The following TBC1D16 variants were observed in gnomAD, a reference collection of about 807,000 sequenced individuals.
TBC1D16 encodes CTD-2529O21.1.
In TBC1D16, 58 loss-of-function variants were observed where a neutral mutation model predicts 74.7. That is an observed-to-expected ratio of 0.78 (90% CI 0.63 to 0.97). TBC1D16 has a LOEUF of 0.97. TBC1D16 is among the 50% of genes least tolerant of loss of function. The probability of loss-of-function intolerance (pLI) is 0.00; values close to 1 mark genes in which losing one functional copy is unlikely to be tolerated. For missense variants in TBC1D16, 1,014 were observed against 1,079.5 expected (o/e 0.94, Z 0.85); for synonymous variants, 493 against 474.7 (o/e 1.04, Z -0.50).
chr17:79,944,054 G>GT lies in TBC1D16; in HGVS notation c.1908+853dup, dbSNP rs2143481517. On this transcript the variant is annotated intron_variant, in intron 10 of 11. Coordinates refer to ENST00000310924, the MANE Select transcript of TBC1D16 (RefSeq NM_019020.4). This position sits in a 1 kb window ranked among gnomAD's most constrained non-coding sequence, Gnocchi z 7.7. ...GCCGATGACCGCATGCAAAGGCGGC[G>GT]TGTGGTACCGGCACTCGGTGGCTTC... 1 of 1,535,984 alleles carries GT rather than the reference G, an allele frequency of 6.5e-7. No individual in the cohort carries two copies. The highest frequency in any genetic ancestry group is 2.0e-5 in the Admixed American group (1 of 51,002).
chr17:79,949,154 G>C (rs1189470697), intron 7 of TBC1D16, 148 bp from the exon 8 acceptor site: 1 of 893,714 alleles, frequency 1.1e-6, no homozygotes, highest in East Asian at 2.6e-5. Context: ...GACCCTCCCC[G>C]GATGCGGCGG....
rs2031616860 is a variant in TBC1D16, at chr17:79,936,763, G to A, written c.*4096C>T. The stretch of plus-strand genomic sequence containing the variant: ...CCGTGCAGCCTGGCTTAGAAACAAG[G>A]GACGAAGTGGATCCTGAGGCTCATT... On this transcript the variant is annotated 3_prime_UTR_variant, in exon 12 of 12. Transcript: ENST00000310924. The A allele has an allele frequency of 6.6e-6, 1 of 152,262 alleles. No individual in the cohort carries two copies. Among genetic ancestry groups the A allele is most frequent in the Non-Finnish European group, 1.5e-5 (1 of 68,090 alleles). The allele number at this position is 152,262 out of a possible 1,614,324, so 9.4% of individuals were successfully genotyped here.
intron 8 of TBC1D16, among the ~76,000 whole-genome samples, chr17:79,948,660 G>A (rs1323603227): frequency 5.3e-5 from 8 of 152,138 alleles, no homozygotes; most frequent in Non-Finnish European, 1.0e-4. Flanking sequence ...TCTGTGGGCA[G>A]GGACCTGGGT....
chr17:80,032,605 G>A (rs987519778), intron 1 of TBC1D16, among the ~76,000 whole-genome samples: 1 of 152,132 alleles, frequency 6.6e-6, no homozygotes, highest in Non-Finnish European at 1.5e-5. Context: ...AAGCCAACAG[G>A]ATAAAAAACA....
intron 1 of TBC1D16, among the ~76,000 whole-genome samples, chr17:80,016,257 T>G (rs1598431325): frequency 4.3e-4 from 60 of 138,542 alleles, no homozygotes; most frequent in African/African-American, 7.0e-4. Context: ...TGCCAGGGGG[T>G]GAGGTGGGGG....
At position 79,979,481 on chromosome 17, in the gene TBC1D16, C is replaced by G. The variant is rs770980874; in HGVS notation, c.780-26663G>C. ...GGCCTGAAGCGGGAGGCGGGAGGAC[C>G]GCATAGCTGCAAATGCATCTGGGCG... On this transcript the variant is annotated intron_variant, in intron 3 of 11. Transcript: ENST00000310924. The surrounding 1 kb of genome is among the most constrained non-coding windows in gnomAD (Gnocchi z 4.8). 6.6e-6 allele frequency among the ~76,000 whole-genome samples: 1 copy of G among 152,152 alleles called. No individual in the cohort carries two copies. Among genetic ancestry groups the G allele is most frequent in the Non-Finnish European group, 1.5e-5 (1 of 68,034 alleles).
intron 3 of TBC1D16, among the ~76,000 whole-genome samples, chr17:79,962,119 A>T (rs1489300997): frequency 6.6e-6 from 1 of 152,010 alleles, no homozygotes; most frequent in Non-Finnish European, 1.5e-5. Context: ...AGAGTGATGC[A>T]AAGCAGATGC....
intron 3 of TBC1D16, among the ~76,000 whole-genome samples, chr17:79,969,286 T>C (rs145159007): frequency 0.02 from 2,970 of 152,142 alleles, 109 homozygotes; most frequent in African/African-American, 0.066. Context: ...CTCGGGAGGC[T>C]GAGGCAGGAG....
At chr17:79,982,857 T>A (rs1291878367) in intron 3 of TBC1D16, among the ~76,000 whole-genome samples, 5 of 152,130 alleles carry the variant, frequency 3.3e-5, no homozygotes, top group African/African-American at 1.2e-4. Context: ...AGACTCTGTC[T>A]CAAAACAAAA....
intron 3 of TBC1D16, among the ~76,000 whole-genome samples, chr17:79,982,237 C>T (rs2034617875): frequency 6.6e-6 from 1 of 151,348 alleles, no homozygotes; most frequent in Non-Finnish European, 1.5e-5. Flanking sequence ...ACCTCTGCCT[C>T]CCAGATTCAA....
intron 3 of TBC1D16, among the ~76,000 whole-genome samples, chr17:79,998,465 C>A (rs1341735393): frequency 6.6e-6 from 1 of 151,056 alleles, no homozygotes; most frequent in Non-Finnish European, 1.5e-5. Context: ...GTAGCTGGGA[C>A]TACATGTGTG....
Position 79,987,582 on chromosome 17 carries a change from G to T in TBC1D16, c.779+22578C>A, listed in dbSNP as rs1361036432. Among the ~76,000 whole-genome samples the T allele has an allele frequency of 1.3e-5, 2 of 152,096 alleles. No homozygotes were observed. The highest frequency in any genetic ancestry group is 4.8e-5 in the African/African-American group (2 of 41,410). ...CCAGAATAAGCAGGTACAGAAGTTT[G>T]CCTGGTGACCAGGAGTCATGACTCT... On this transcript the variant is annotated intron_variant, in intron 3 of 11. Coordinates refer to ENST00000310924, the MANE Select transcript of TBC1D16 (RefSeq NM_019020.4). The surrounding 1 kb of genome is among the most constrained non-coding windows in gnomAD (Gnocchi z 5.2).
intron 1 of TBC1D16, among the ~76,000 whole-genome samples, chr17:80,030,029 T>C (rs2143412839): frequency 6.6e-6 from 1 of 152,180 alleles, no homozygotes; most frequent in East Asian, 1.9e-4. Flanking sequence ...CTCTCCTGCC[T>C]GATCCTGCGA....
In TBC1D16 at chr17:79,986,376, CA is replaced by C. The variant is rs764014703; in HGVS notation, c.779+23783del. ...TCTTAGACAGAAGTCTGGGCAGACG[CA>C]AATGTGCAGCGTTTCAAAGCAAAGC... On this transcript the variant is annotated intron_variant, in intron 3 of 11. Transcript: ENST00000310924. This position sits in a 1 kb window ranked among gnomAD's most constrained non-coding sequence, Gnocchi z 6.0. Among the ~76,000 whole-genome samples the C allele has an allele frequency of 7.9e-5, 12 of 152,328 alleles. No homozygotes were observed. In the East Asian group the frequency reaches 2.3e-3, roughly 29 times the overall value.
At chr17:80,006,059 G>A (rs1047533738) in intron 3 of TBC1D16, among the ~76,000 whole-genome samples, 3 of 152,004 alleles carry the variant, frequency 2.0e-5, no homozygotes, top group East Asian at 1.9e-4. Flanking sequence ...ATTAATAGAC[G>A]CCCCACCGCT....
rs1379127973 is a variant in TBC1D16 at position 79,983,451 on chromosome 17, G to A, written c.779+26709C>T. 1.3e-5 allele frequency among the ~76,000 whole-genome samples: 2 copies of A among 152,202 alleles called. No homozygotes were observed. Among genetic ancestry groups the A allele is most frequent in the Admixed American group, 6.5e-5 (1 of 15,286 alleles). On this transcript the variant is annotated intron_variant, in intron 3 of 11. Transcript: ENST00000310924. This position sits in a 1 kb window ranked among gnomAD's most constrained non-coding sequence, Gnocchi z 5.6. The stretch of plus-strand genomic sequence containing the variant: ...AGAAAAACCCAAACTAAACCACATG[G>A]TCATCAACAGGAGTGTGGACAACCT...
chr17:79,997,742 C>G (rs538361120), intron 3 of TBC1D16, among the ~76,000 whole-genome samples: 1 of 152,308 alleles, frequency 6.6e-6, no homozygotes, highest in South Asian at 2.1e-4. Context: ...ACGTTCAGGG[C>G]TTCTACTAGG....
Position 79,949,740 on chromosome 17 carries a change from C to G in TBC1D16, c.1383G>C (p.Glu461Asp), listed in dbSNP as rs746712008. 6.2e-7 allele frequency: 1 copy of G among 1,612,784 alleles called. No individual in the cohort carries two copies. The highest frequency in any genetic ancestry group is 2.2e-5 in the East Asian group (1 of 44,852). The change falls in exon 7 of 12, where the codon GAG (glutamate) becomes GAC (aspartate). Residue 461 changes from glutamate to aspartate, a missense_variant. Physicochemically the swap from Glu to Asp is conservative, Grantham distance 45. Transcript: ENST00000310924. ...REALRLQKRKEYSEIQQKRLS... is the reference protein window; with the variant it reads ...REALRLQKRKDYSEIQQKRLS... ...ACCTTTTCTGCTGGATCTCAGAGTA[C>G]TCCTTTCGCTTCTGCAGCCGCAGCG...
chr17:80,008,407 G>C lies in TBC1D16; in HGVS notation c.779+1753C>G, dbSNP rs2144650900. On this transcript the variant is annotated intron_variant, in intron 3 of 11. Coordinates refer to ENST00000310924, the MANE Select transcript of TBC1D16 (RefSeq NM_019020.4). The surrounding 1 kb of genome is among the most constrained non-coding windows in gnomAD (Gnocchi z 4.5). ...AGATGGGGCTGCGGGACAGAGAGCT[G>C]ACCGGCCAGCTTCTGGTTGTGGTTC... 6.6e-6 allele frequency among the ~76,000 whole-genome samples: 1 copy of C among 152,260 alleles called. No homozygotes were observed. The highest frequency in any genetic ancestry group is 2.1e-4 in the South Asian group (1 of 4,822).
Sources: allele counts gnomAD v4.1 joint callset (sites outside exome capture counted in the v4.1 genomes callset), GRCh38; gene constraint gnomAD v4.1.1; non-coding constraint Gnocchi (gnomAD v3.1); transcripts MANE v1.5; gene names NCBI Gene and HGNC (gene_info 2026-07-23, HGNC 2026-07-21).